ZRANB1: variants seen among roughly 807,000 people sequenced by gnomAD.
ZRANB1 encodes the protein zinc finger RANBP2-type containing 1, also known as ubiquitin thioesterase ZRANB1.
In ZRANB1, 16 loss-of-function variants were observed where a neutral mutation model predicts 80.5. That is an observed-to-expected ratio of 0.20 (90% CI 0.13 to 0.30). The LOEUF (loss-of-function observed/expected upper bound fraction) is 0.30, where lower values mean the gene tolerates loss of function less well. ZRANB1 is among the 10% of genes least tolerant of loss of function. The probability of loss-of-function intolerance (pLI) is 1.00; values close to 1 mark genes in which losing one functional copy is unlikely to be tolerated. For synonymous variants in ZRANB1, 291 were observed against 293.1 expected (o/e 0.99, Z 0.07); for missense variants, 576 against 862.6 (o/e 0.67, Z 4.16).
chr10:124,950,090 G>C (rs1951624513), intron 1 of ZRANB1, among the ~76,000 whole-genome samples: 1 of 152,134 alleles, frequency 6.6e-6, no homozygotes, highest in African/African-American at 2.4e-5. Context: ...TAAAGACTTA[G>C]ATGATTTTTA....
Position 124,943,200 on chromosome 10 carries a change from C to T in ZRANB1, c.707C>T (p.Ala236Val), listed in dbSNP as rs1364847600. 1.2e-6 allele frequency: 2 copies of T among 1,614,042 alleles called. No individual in the cohort carries two copies. Among genetic ancestry groups the T allele is most frequent in the Non-Finnish European group, 1.7e-6 (2 of 1,180,042 alleles). ...ATGGATTTTCAGAGGATTGAATTGG[C>T]TGGTGCTGTGGGAAGCAAGGAGGAA... ...VKMDFQRIELAGAVGSKEELE... is the reference protein window; with the variant it reads ...VKMDFQRIELVGAVGSKEELE... Residue 236 changes from alanine to valine, a missense_variant, in exon 1 of 9, where the codon GCT becomes GTT. Physicochemically the swap from Ala to Val is moderately conservative, Grantham distance 64. Around this residue, in one of 3 missense-constraint regions of ZRANB1, gnomAD observed 411 missense variants for 583.1 expected, o/e 0.70. Coordinates refer to ENST00000359653, the MANE Select transcript of ZRANB1 (RefSeq NM_017580.3).
At chr10:124,979,290 A>G (rs1951911292) in intron 5 of ZRANB1, among the ~76,000 whole-genome samples, 1 of 152,180 alleles carries the variant, frequency 6.6e-6, no homozygotes, top group Admixed American at 6.5e-5. Context: ...TAATGATGAT[A>G]CTGAGTGTCT....
the ZRANB1 span, among the ~76,000 whole-genome samples, chr10:124,932,648 G>A: frequency 6.6e-6 from 1 of 152,084 alleles, no homozygotes; most frequent in African/African-American, 2.4e-5. Context: ...TAGTGTCAGT[G>A]TTTTGGATTT....
chr10:124,920,314 C>T, the ZRANB1 span, among the ~76,000 whole-genome samples: 9 of 152,182 alleles, frequency 5.9e-5, no homozygotes, highest in Non-Finnish European at 1.0e-4. Context: ...GAATACTTAT[C>T]CTCTCATTGA....
chr10:124,946,561 G>A (rs1157349415), intron 1 of ZRANB1: 1 of 152,168 alleles, frequency 6.6e-6, no homozygotes, highest in Non-Finnish European at 1.5e-5. Flanking sequence ...ATTCTTAGGG[G>A]CAAGGGTTGA....
chr10:124,948,604 G>A (rs1436092795), intron 1 of ZRANB1, among the ~76,000 whole-genome samples: 3 of 148,890 alleles, frequency 2.0e-5, no homozygotes, highest in African/African-American at 7.5e-5. Flanking sequence ...CTTTTCTCAT[G>A]TATTGCCTTC....
At chr10:124,975,273 C>A (rs1262870259) in intron 5 of ZRANB1, among the ~76,000 whole-genome samples, 2 of 152,224 alleles carry the variant, frequency 1.3e-5, no homozygotes, top group East Asian at 3.9e-4. Context: ...TTCAGTTGAG[C>A]AGTTATTAAC....
intron 5 of ZRANB1, 121 bp downstream of exon 5, chr10:124,974,519 C>A: frequency 1.0e-6 from 1 of 987,772 alleles, no homozygotes; most frequent in South Asian, 1.7e-5. Flanking sequence ...AAAAACAGTT[C>A]ATTTTGGACA....
upstream of ZRANB1, chr10:124,940,653 G>T: frequency 1.5e-6 from 1 of 669,758 alleles, no homozygotes; most frequent in Non-Finnish European, 2.2e-6. Flanking sequence ...GACTTGGCAG[G>T]CAGGAACATA....
intron 6 of ZRANB1, among the ~76,000 whole-genome samples, chr10:124,982,584 T>G (rs1476014248): frequency 2.0e-5 from 3 of 150,764 alleles, no homozygotes; most frequent in Non-Finnish European, 4.4e-5. Flanking sequence ...CAACTACTCC[T>G]TTTTTTTTGC....
intron 1 of ZRANB1, among the ~76,000 whole-genome samples, chr10:124,956,760 C>T (rs1242969363): frequency 1.3e-5 from 2 of 152,204 alleles, no homozygotes; most frequent in Non-Finnish European, 2.9e-5. Context: ...GCATGAACCA[C>T]CATGCCTGGC....
chr10:124,922,281 A>AATATATATATATATGTAAAATAT, the ZRANB1 span, among the ~76,000 whole-genome samples: 209 of 87,446 alleles, frequency 2.4e-3, 5 homozygotes, highest in Middle Eastern at 9.8e-3. Flanking sequence ...ATATATGTAA[A>AATATATATATATATGTAAAATAT]ATATATATAT....
chr10:124,923,732 G>A, the ZRANB1 span, among the ~76,000 whole-genome samples: 2 of 151,764 alleles, frequency 1.3e-5, no homozygotes, highest in Non-Finnish European at 2.9e-5. Flanking sequence ...GAGTGAGCAG[G>A]GGAAGTGCCA....
chr10:124,931,677 T>TA, the ZRANB1 span, among the ~76,000 whole-genome samples: 1 of 152,174 alleles, frequency 6.6e-6, no homozygotes, highest in Non-Finnish European at 1.5e-5. Flanking sequence ...GGCCTAAAAA[T>TA]ACTTTATTTT....
intron 1 of ZRANB1, among the ~76,000 whole-genome samples, chr10:124,955,017 TAC>T (rs1396504548): frequency 1.3e-5 from 2 of 150,678 alleles, no homozygotes; most frequent in Admixed American, 1.3e-4. Context: ...TAGTCCCAGC[TAC>T]TCTGGAGGCC....
the ZRANB1 span, among the ~76,000 whole-genome samples, chr10:124,917,663 C>T: frequency 6.6e-6 from 1 of 152,196 alleles, no homozygotes; most frequent in East Asian, 1.9e-4. Context: ...GGGTCCATCG[C>T]CACAAGTTGG....
At chr10:124,928,308 GCA>G in the ZRANB1 span, among the ~76,000 whole-genome samples, 9 of 152,294 alleles carry the variant, frequency 5.9e-5, no homozygotes, top group East Asian at 1.7e-3. Context: ...GGTTGGAAAG[GCA>G]CTCTTAGCAC....
At chr10:124,945,937 C>T (rs1195089006) in intron 1 of ZRANB1, 1 of 152,164 alleles carries the variant, frequency 6.6e-6, no homozygotes, top group East Asian at 1.9e-4. Context: ...CAGGCGCATA[C>T]CACCACGCCT....
At chr10:124,951,884 G>T (rs1951641650) in intron 1 of ZRANB1, among the ~76,000 whole-genome samples, 1 of 152,078 alleles carries the variant, frequency 6.6e-6, no homozygotes, top group African/African-American at 2.4e-5. Context: ...TTGGACCTGG[G>T]AGGCGGAGGT....
Sources: gnomAD v4.1 joint callset for allele counts (sites outside exome capture counted in the v4.1 genomes callset) on GRCh38, gnomAD v4.1.1 for gene constraint, gnomAD v4.1.1 regional missense constraint, MANE v1.5 for transcripts, NCBI Gene and HGNC (gene_info 2026-07-23, HGNC 2026-07-21) for gene names.